The following CACNA2D3 variants were observed in gnomAD, a reference collection of about 807,000 sequenced individuals.
The protein encoded by CACNA2D3 is calcium voltage-gated channel auxiliary subunit alpha2delta 3.
CACNA2D3 carries 60 observed loss-of-function variants against 160.6 expected under a neutral mutation model. That is an observed-to-expected ratio of 0.37 (90% CI 0.30 to 0.46). The LOEUF (loss-of-function observed/expected upper bound fraction) is 0.46, where lower values mean the gene tolerates loss of function less well. CACNA2D3 is among the 20% of genes least tolerant of loss of function. CACNA2D3 has a pLI of 1.00. For synonymous variants in CACNA2D3, 558 were observed against 492.9 expected (o/e 1.13, Z -1.75); for missense variants, 1,205 against 1,365.0 (o/e 0.88, Z 1.85).
At chr3:54,745,027 TATA>T (rs1701727458) in intron 11 of CACNA2D3, among the ~76,000 whole-genome samples, 1 of 152,190 alleles carries the variant, frequency 6.6e-6, no homozygotes, top group South Asian at 2.1e-4. Flanking sequence ...TTTAGTCAGG[TATA>T]ATAAGGCACA....
At chr3:54,425,975 G>C (rs906266684) in intron 4 of CACNA2D3, among the ~76,000 whole-genome samples, 1 of 152,222 alleles carries the variant, frequency 6.6e-6, no homozygotes, top group Non-Finnish European at 1.5e-5. Context: ...TAGCCTCAGA[G>C]ACAGTAGCCA....
intron 17 of CACNA2D3, among the ~76,000 whole-genome samples, chr3:54,847,423 A>G (rs1215109250): frequency 6.6e-6 from 1 of 152,136 alleles, no homozygotes; most frequent in Non-Finnish European, 1.5e-5. Context: ...ATCTTTTCCC[A>G]TTCATCAGAA....
At chr3:54,600,814 G>A (rs1703046667) in intron 9 of CACNA2D3, among the ~76,000 whole-genome samples, 1 of 151,978 alleles carries the variant, frequency 6.6e-6, no homozygotes, top group Middle Eastern at 3.2e-3. Flanking sequence ...CTCGCAGGGA[G>A]CAAACATTTC....
chr3:54,510,150 G>T (rs964323615), intron 5 of CACNA2D3, among the ~76,000 whole-genome samples: 1 of 151,954 alleles, frequency 6.6e-6, no homozygotes, highest in African/African-American at 2.4e-5. Context: ...TGAATGGATG[G>T]ATGAATGGAT....
At chr3:54,451,518 C>G (rs918151168) in intron 4 of CACNA2D3, among the ~76,000 whole-genome samples, 1 of 152,112 alleles carries the variant, frequency 6.6e-6, no homozygotes, top group Non-Finnish European at 1.5e-5. Flanking sequence ...ATAATCCCAT[C>G]TCTATTCCGG....
chr3:54,899,935 A>C (rs1418995401), intron 27 of CACNA2D3, 67 bp downstream of exon 27: 15 of 1,155,258 alleles, frequency 1.3e-5, no homozygotes, highest in Admixed American at 1.2e-4. Context: ...CCAGTGGGCT[A>C]CTTCTGTGAG....
chr3:54,400,982 C>A (rs1022833786), intron 4 of CACNA2D3, among the ~76,000 whole-genome samples: 2 of 151,776 alleles, frequency 1.3e-5, no homozygotes, highest in African/African-American at 4.8e-5. Context: ...ATAAGATAGG[C>A]AATTCAGTGA....
At chr3:54,906,908 A>G (rs1700460009) in intron 27 of CACNA2D3, among the ~76,000 whole-genome samples, 1 of 152,210 alleles carries the variant, frequency 6.6e-6, no homozygotes, top group Non-Finnish European at 1.5e-5. Context: ...AGAGCTGGAC[A>G]TTAGAGCAGC....
At chr3:54,319,774 A>G (rs919541838) in intron 2 of CACNA2D3, among the ~76,000 whole-genome samples, 8 of 152,168 alleles carry the variant, frequency 5.3e-5, no homozygotes, top group Non-Finnish European at 1.2e-4. Context: ...ATACAAGGAT[A>G]AAAAAACTCA....
At chr3:54,617,951 GT>G (rs113051962) in intron 9 of CACNA2D3, among the ~76,000 whole-genome samples, 1,708 of 142,260 alleles carry the variant, frequency 0.012, 18 homozygotes, top group African/African-American at 0.033. Context: ...TAGAGTTTGG[GT>G]TTTTTTTTTT....
chr3:54,735,462 C>T (rs1043242732), intron 11 of CACNA2D3, among the ~76,000 whole-genome samples: 9 of 152,204 alleles, frequency 5.9e-5, no homozygotes, highest in African/African-American at 2.2e-4. Context: ...ACTGCAGACA[C>T]ACAGATAAAT....
intron 27 of CACNA2D3, among the ~76,000 whole-genome samples, chr3:54,963,323 G>A (rs1272184549): frequency 6.6e-6 from 1 of 151,986 alleles, no homozygotes; most frequent in African/African-American, 2.4e-5. Flanking sequence ...CATCCTTAAG[G>A]AGTGCTAGGG....
At chr3:54,682,523 G>A (rs950257426) in intron 11 of CACNA2D3, among the ~76,000 whole-genome samples, 11 of 152,088 alleles carry the variant, frequency 7.2e-5, no homozygotes, top group African/African-American at 2.7e-4. Context: ...CTACTTGGGA[G>A]GCTGAGGCAC....
intron 4 of CACNA2D3, among the ~76,000 whole-genome samples, chr3:54,400,339 C>G (rs571280277): frequency 6.6e-6 from 1 of 152,140 alleles, no homozygotes; most frequent in Non-Finnish European, 1.5e-5. Flanking sequence ...TGAACCTTCA[C>G]CTTAGAACTC....
chr3:54,380,957 A>C (rs1699094010), intron 3 of CACNA2D3, among the ~76,000 whole-genome samples: 1 of 152,172 alleles, frequency 6.6e-6, no homozygotes, highest in Non-Finnish European at 1.5e-5. Context: ...CGTGTAGCCC[A>C]AATCCATGTT....
chr3:54,745,901 A>G (rs1281128294), intron 11 of CACNA2D3, among the ~76,000 whole-genome samples: 1 of 152,190 alleles, frequency 6.6e-6, no homozygotes. Flanking sequence ...AGCGTCCCTA[A>G]GGTGACAGTC....
intron 13 of CACNA2D3, among the ~76,000 whole-genome samples, chr3:54,766,839 A>C (rs1482311626): frequency 6.6e-6 from 1 of 152,044 alleles, no homozygotes; most frequent in East Asian, 1.9e-4. Context: ...AATCACATAT[A>C]GCATACTACT....
intron 10 of CACNA2D3, among the ~76,000 whole-genome samples, chr3:54,629,239 T>C (rs1699183117): frequency 6.6e-6 from 1 of 151,886 alleles, no homozygotes; most frequent in South Asian, 2.1e-4. Flanking sequence ...GGGCAGGCTG[T>C]TGTCATTTTG....
intron 5 of CACNA2D3, among the ~76,000 whole-genome samples, chr3:54,551,046 G>A (rs1332538115): frequency 1.3e-5 from 2 of 152,184 alleles, no homozygotes; most frequent in Non-Finnish European, 2.9e-5. Flanking sequence ...CAATGGCAAA[G>A]GAGGAATCCA....
Sources: gnomAD v4.1 joint callset for allele counts (sites outside exome capture counted in the v4.1 genomes callset) on GRCh38, gnomAD v4.1.1 for gene constraint, MANE v1.5 for transcripts, NCBI Gene and HGNC (gene_info 2026-07-23, HGNC 2026-07-21) for gene names.